The following LGR6 variants were observed in gnomAD, a reference collection of about 807,000 sequenced individuals.
The protein encoded by LGR6 is leucine rich repeat containing G protein-coupled receptor 6, also known as leucine-rich repeat-containing G protein-coupled receptor 6.
A neutral mutation model predicts 69.4 loss-of-function variants in LGR6; 45 were observed. That is an observed-to-expected ratio of 0.65 (90% CI 0.51 to 0.83). The LOEUF (loss-of-function observed/expected upper bound fraction) is 0.83. LGR6 is among the 40% of genes least tolerant of loss of function. LGR6 has a pLI of 0.00. For synonymous variants in LGR6, 538 were observed against 555.0 expected (o/e 0.97, Z 0.43); for missense variants, 1,108 against 1,246.7 (o/e 0.89, Z 1.68).
In LGR6 at chr1:202,307,378, C is replaced by T. The variant is rs1653327099; in HGVS notation, c.1257C>T (p.Ser419=). The T allele has an allele frequency of 1.9e-6, 3 of 1,614,012 alleles. No homozygotes were observed. The highest frequency in any genetic ancestry group is 1.1e-5 in the South Asian group (1 of 91,082). The change falls in exon 14 of 18, where the codon TCC becomes TCT. Residue 419 remains serine, a synonymous_variant. Coordinates refer to ENST00000367278, the MANE Select transcript of LGR6 (RefSeq NM_001017403.2). ...GGTCCATCCACCCCGAGGCCTTCTC[C>T]ACCCTGCACTCCCTGGTCAAGCTGT... ...AIRSIHPEAF[S]TLHSLVKLDL... is the part of the protein sequence containing the mutation.
intron 1 of LGR6, among the ~76,000 whole-genome samples, chr1:202,217,712 C>T (rs1239758719): frequency 1.3e-5 from 2 of 152,048 alleles, no homozygotes; most frequent in Non-Finnish European, 2.9e-5. Context: ...TTACTATCTT[C>T]CCCCACATCC....
intron 1 of LGR6, among the ~76,000 whole-genome samples, chr1:202,212,430 A>T (rs1387336885): frequency 6.6e-6 from 1 of 152,154 alleles, no homozygotes; most frequent in Admixed American, 6.5e-5. Flanking sequence ...AGTACCGCAA[A>T]CTGGGTGGCC....
chr1:202,297,685 T>G, intron 7 of LGR6, 109 bp downstream of exon 7: 1 of 842,454 alleles, frequency 1.2e-6, no homozygotes, highest in Non-Finnish European at 1.9e-6. Context: ...ATGGTCCTTA[T>G]AAAAGATGTA....
chr1:202,204,108 T>C (rs890400779), intron 1 of LGR6, among the ~76,000 whole-genome samples: 3 of 151,986 alleles, frequency 2.0e-5, no homozygotes, highest in African/African-American at 7.3e-5. Context: ...GGAACTCTTT[T>C]AGGGCAGGGG....
chr1:202,318,534 T>C lies in LGR6; in HGVS notation c.2231T>C (p.Phe744Ser), dbSNP rs1252671536. The part of the protein sequence containing the change: ...VALVMMNSFC[F>S]LVVAGAYIKL... ...CTGGTGATGATGAACTCCTTCTGTTTCCTGGTCGTGGCCGGTGCCTACATC... is the reference window on the plus strand; with the variant it reads ...CTGGTGATGATGAACTCCTTCTGTTCCCTGGTCGTGGCCGGTGCCTACATC... Residue 744 changes from phenylalanine (F) to serine (S), a missense_variant, in exon 18 of 18, where the codon TTC becomes TCC. By Grantham distance (155) the Phe-to-Ser change is radical. Coordinates refer to ENST00000367278, the MANE Select transcript of LGR6 (RefSeq NM_001017403.2). 1.2e-6 allele frequency: 2 copies of C among 1,614,106 alleles called. No homozygotes were observed. The highest frequency in any genetic ancestry group is 1.7e-5 in the Admixed American group (1 of 60,030).
chr1:202,229,559 C>A (rs376608278), intron 3 of LGR6, among the ~76,000 whole-genome samples: 1 of 152,236 alleles, frequency 6.6e-6, no homozygotes, highest in African/African-American at 2.4e-5. Context: ...CCTAAGACTC[C>A]GGCTTAGAGA....
intron 4 of LGR6, among the ~76,000 whole-genome samples, chr1:202,273,422 TG>T (rs1665269594): frequency 6.6e-6 from 1 of 151,328 alleles, no homozygotes; most frequent in Non-Finnish European, 1.5e-5. Flanking sequence ...CCACATCCAG[TG>T]GGTTGCTGGG....
At chr1:202,239,636 C>A (rs748574589) in intron 4 of LGR6, among the ~76,000 whole-genome samples, 9 of 152,070 alleles carry the variant, frequency 5.9e-5, no homozygotes, top group Non-Finnish European at 1.2e-4. Context: ...TAAACCAAGG[C>A]AGCATGTTAG....
chr1:202,270,181 G>A (rs2148136875), intron 4 of LGR6, among the ~76,000 whole-genome samples: 1 of 152,040 alleles, frequency 6.6e-6, no homozygotes, highest in South Asian at 2.1e-4. Flanking sequence ...TTCGCTTTTG[G>A]GGAACTAGAC....
rs145518907 is a variant in LGR6 at position 202,238,148 on chromosome 1, G to A, written c.428+2155G>A. ...GTCTGGCTCTGTCACCCAGGCTGGA[G>A]TGCAGTGACCTGATCGCAACTCACT... On this transcript the variant is annotated intron_variant, in intron 4 of 17. Transcript: ENST00000367278. Among the ~76,000 whole-genome samples the A allele has an allele frequency of 6.6e-3, 1,010 of 152,206 alleles. 16 individuals are homozygous for A. The highest frequency in any genetic ancestry group is 0.023 in the African/African-American group (959 of 41,518).
chr1:202,303,182 G>A, intron 9 of LGR6, 97 bp from the exon 10 acceptor site: 3 of 922,712 alleles, frequency 3.3e-6, no homozygotes, highest in Non-Finnish European at 5.4e-6. Flanking sequence ...TGCCCCCAAA[G>A]GAGGAGTCCC....
At chr1:202,301,130 A>G in intron 8 of LGR6, 34 bp from the exon 9 acceptor site, 1 of 1,605,046 alleles carries the variant, frequency 6.2e-7, no homozygotes, top group Non-Finnish European at 8.5e-7. Flanking sequence ...AGGCCTGAAA[A>G]ACCCAATTAG....
chr1:202,288,445 A>G (rs957609675), intron 6 of LGR6, among the ~76,000 whole-genome samples: 8 of 152,194 alleles, frequency 5.3e-5, no homozygotes, highest in African/African-American at 1.9e-4. Flanking sequence ...GAAGGTACTC[A>G]ATAAATGTTT....
At chr1:202,232,058 G>T (rs972277814) in intron 3 of LGR6, among the ~76,000 whole-genome samples, 3 of 150,746 alleles carry the variant, frequency 2.0e-5, no homozygotes, top group Non-Finnish European at 4.4e-5. Context: ...TGAGAGTTGC[G>T]CCATTGCACT....
intron 4 of LGR6, among the ~76,000 whole-genome samples, chr1:202,237,455 T>C (rs1037745952): frequency 6.6e-6 from 1 of 152,228 alleles, no homozygotes; most frequent in Non-Finnish European, 1.5e-5. Context: ...GAGGACTTCA[T>C]AGGGGAAAAA....
chr1:202,287,826 G>A (rs1349512553), intron 6 of LGR6, among the ~76,000 whole-genome samples: 2 of 152,138 alleles, frequency 1.3e-5, no homozygotes, highest in South Asian at 2.1e-4. Context: ...GCTCCAAGCC[G>A]CCATCCTTCT....
intron 4 of LGR6, among the ~76,000 whole-genome samples, chr1:202,255,318 G>A (rs560131413): frequency 3.3e-5 from 5 of 152,188 alleles, no homozygotes; most frequent in Non-Finnish European, 7.4e-5. Flanking sequence ...AGGGGTCCTG[G>A]ACCACAGCAG....
At chr1:202,297,637 A>G in intron 7 of LGR6, 61 bp downstream of exon 7, 2 of 1,377,658 alleles carry the variant, frequency 1.5e-6, no homozygotes, top group South Asian at 1.2e-5. Context: ...GGCTGAAGCC[A>G]GCCTGAGCTG....
At chr1:202,197,120 C>T (rs528623383) in intron 1 of LGR6, 1 of 531,384 alleles carries the variant, frequency 1.9e-6, no homozygotes, top group African/African-American at 1.9e-5. Context: ...AAGGTACCCG[C>T]AAGTCCTCTT....
Sources: gnomAD v4.1 joint callset for allele counts (sites outside exome capture counted in the v4.1 genomes callset) on GRCh38, gnomAD v4.1.1 for gene constraint, MANE v1.5 for transcripts, NCBI Gene and HGNC (gene_info 2026-07-23, HGNC 2026-07-21) for gene names.